The following DNAH3 variants were observed in gnomAD, a reference collection of about 807,000 sequenced individuals.
DNAH3 encodes dynein axonemal heavy chain 3, also known as axonemal beta dynein heavy chain 3.
In DNAH3, 332 loss-of-function variants were observed where a neutral mutation model predicts 432.5. The ratio of observed to expected loss-of-function variants is 0.77; its 90% CI spans 0.70 to 0.84. DNAH3 has a LOEUF of 0.84. DNAH3 is among the 40% of genes least tolerant of loss of function. The pLI, the probability that DNAH3 is intolerant of heterozygous loss-of-function variation, is 0.00. For missense variants in DNAH3, 4,861 were observed against 5,114.0 expected, an observed-to-expected ratio of 0.95 and a Z score of 1.51; for synonymous variants, 1,956 against 1,900.2, an observed-to-expected ratio of 1.03 and a Z score of -0.76.
intron 61 of DNAH3, among the ~76,000 whole-genome samples, chr16:20,934,516 G>A (rs866973518): frequency 2.6e-5 from 4 of 152,294 alleles, no homozygotes; most frequent in Admixed American, 6.5e-5. Flanking sequence ...TTATAGTAAA[G>A]TGTTGAGTAT....
intron 14 of DNAH3, among the ~76,000 whole-genome samples, chr16:21,107,269 G>C (rs898055217): frequency 8.2e-6 from 1 of 121,568 alleles, no homozygotes; most frequent in African/African-American, 3.2e-5. Context: ...TTGAGACAGA[G>C]TCTTGCTCTG....
At chr16:21,062,383 C>T in intron 25 of DNAH3, 99 bp downstream of exon 25, 2 of 948,270 alleles carry the variant, frequency 2.1e-6, no homozygotes, top group Non-Finnish European at 3.3e-6. Flanking sequence ...GTGTTCCATA[C>T]CCCAGGCAGT....
At chr16:21,021,110 T>C (rs1015268506) in intron 40 of DNAH3, among the ~76,000 whole-genome samples, 3 of 152,226 alleles carry the variant, frequency 2.0e-5, no homozygotes, top group African/African-American at 7.2e-5. Flanking sequence ...AAAATTACAA[T>C]ACATTTTGCT....
At chr16:21,062,369 C>T (rs2090389492) in intron 25 of DNAH3, 113 bp downstream of exon 25, 2 of 804,298 alleles carry the variant, frequency 2.5e-6, no homozygotes, top group Non-Finnish European at 4.1e-6. Flanking sequence ...ATCGTAGAAC[C>T]CAAGTGTTCC....
intron 31 of DNAH3, among the ~76,000 whole-genome samples, chr16:21,048,985 C>T (rs73538284): frequency 0.011 from 1,644 of 151,304 alleles, 37 homozygotes; most frequent in African/African-American, 0.038. Context: ...TGAGCCACCG[C>T]GCTCAGCCAA....
exon 29 of DNAH3, chr16:21,051,749 T>G (rs556226538): frequency 6.2e-7 from 1 of 1,614,054 alleles, no homozygotes; most frequent in South Asian, 1.1e-5. Flanking sequence ...AAGGCTTCTG[T>G]GGTGATAATC....
rs1567583613 is a variant in DNAH3 at position 20,985,300 on chromosome 16, C to A, written c.7442G>T (p.Gly2481Val). 5.0e-6 allele frequency: 8 copies of A among 1,614,222 alleles called. No individual in the cohort carries two copies. The East Asian group carries it at 1.6e-4, about 31-fold the overall frequency. The change falls in exon 48 of 62, where the codon GGT becomes GTT. Residue 2481 changes from glycine (G) to valine (V), a missense_variant. Coordinates refer to ENST00000261383, the Ensembl canonical transcript of DNAH3. Reference sequence around the variant, plus strand: ...GAACACGGTGCTCTTGGTGGCCACACCGACCTGCAGTATGATCTTCTTAAG... The same window carrying A: ...GAACACGGTGCTCTTGGTGGCCACAACGACCTGCAGTATGATCTTCTTAAG...
intron 1 of DNAH3, among the ~76,000 whole-genome samples, chr16:21,146,889 T>C (rs991800422): frequency 6.6e-6 from 1 of 151,554 alleles, no homozygotes; most frequent in Non-Finnish European, 1.5e-5. Flanking sequence ...GCCTCCCAAG[T>C]AGCTGGGATT....
At position 21,131,592 on chromosome 16, in the gene DNAH3, G is replaced by A. The variant is rs371588013; in HGVS notation, c.1082+2667C>T. Among the ~76,000 whole-genome samples the A allele has an allele frequency of 1.3e-4, 20 of 152,224 alleles. 1 individual carries two copies. The South Asian group carries it at 3.9e-3, about 30-fold the overall frequency. ...AGGCCGGACGTGGTGGCTCTTGCCT[G>A]TAATCCCAGCACTTTGGGAGGCTGA... is the stretch of plus-strand genomic sequence containing the variant. On this transcript the variant is annotated intron_variant, in intron 7 of 61. Coordinates refer to ENST00000261383, the Ensembl canonical transcript of DNAH3.
At chr16:21,004,177 T>C (rs1327513780) in intron 41 of DNAH3, among the ~76,000 whole-genome samples, 1 of 152,166 alleles carries the variant, frequency 6.6e-6, no homozygotes, top group East Asian at 1.9e-4. Context: ...TAATGTTATT[T>C]TGTTGTATTT....
intron 25 of DNAH3, among the ~76,000 whole-genome samples, chr16:21,061,274 A>T (rs2090351068): frequency 8.5e-6 from 1 of 117,248 alleles, no homozygotes; most frequent in African/African-American, 3.4e-5. Context: ...CACTCTTGTC[A>T]CCCAAGGCTG....
At chr16:21,127,692 G>C in exon 8 of DNAH3, 1 of 1,614,066 alleles carries the variant, frequency 6.2e-7, no homozygotes, top group Non-Finnish European at 8.5e-7. Context: ...CTGACTTGTT[G>C]AGAAGAGTCT....
exon 53 of DNAH3, chr16:20,963,623 C>T (rs754844413): frequency 1.9e-6 from 3 of 1,613,880 alleles, no homozygotes; most frequent in African/African-American, 1.3e-5. Context: ...ACAATCTCTG[C>T]CCATGCCTTC....
At chr16:20,948,350 A>G (rs955708613) in intron 57 of DNAH3, 133 bp downstream of exon 57, 10 of 889,538 alleles carry the variant, frequency 1.1e-5, no homozygotes, top group Non-Finnish European at 1.4e-5. Context: ...GAATATTGGG[A>G]ATAGCTTATG....
chr16:21,070,417 G>T (rs2152762268), intron 22 of DNAH3, among the ~76,000 whole-genome samples: 1 of 152,036 alleles, frequency 6.6e-6, no homozygotes, highest in East Asian at 1.9e-4. Context: ...CAAGAAGCTG[G>T]GATTACAGGC....
At chr16:21,061,106 T>C (rs1332578906) in intron 25 of DNAH3, among the ~76,000 whole-genome samples, 2 of 152,124 alleles carry the variant, frequency 1.3e-5, no homozygotes, top group East Asian at 3.9e-4. Flanking sequence ...CCCAAAGTGC[T>C]GGGATTACAG....
exon 54 of DNAH3, chr16:20,959,253 G>A (rs190043471): frequency 3.1e-6 from 5 of 1,614,126 alleles, no homozygotes; most frequent in East Asian, 2.2e-5. Context: ...TCCAGCTTGC[G>A]GCCAGGTGGC....
Position 21,106,597 on chromosome 16 carries a change from A to ATGAGG in DNAH3, c.2172_2176dup (p.Ile726ThrfsTer6). 1 of 1,611,368 alleles carries ATGAGG rather than the reference A, an allele frequency of 6.2e-7. No individual in the cohort carries two copies. Among genetic ancestry groups the ATGAGG allele is most frequent in the Non-Finnish European group, 8.5e-7 (1 of 1,178,034 alleles). ...AGCACTGGATTTCTTTAGGAATTCA[A>ATGAGG]TGAGGGATACCAGCTCCTTAGTGTT... is the stretch of plus-strand genomic sequence containing the variant. On this transcript the variant is annotated frameshift_variant, in exon 15 of 62. Coordinates refer to ENST00000261383, the Ensembl canonical transcript of DNAH3. LOFTEE classifies it high-confidence loss of function.
intron 41 of DNAH3, among the ~76,000 whole-genome samples, chr16:21,007,937 C>T (rs1036773018): frequency 2.0e-5 from 3 of 152,160 alleles, no homozygotes; most frequent in Admixed American, 6.5e-5. Flanking sequence ...TGTTCCAGCA[C>T]GATTTGTTGA....
Sources: allele counts gnomAD v4.1 joint callset (sites outside exome capture counted in the v4.1 genomes callset), GRCh38; gene constraint gnomAD v4.1.1; transcripts MANE v1.5; gene names NCBI Gene and HGNC (gene_info 2026-07-23, HGNC 2026-07-21).